KCNMB2: variants seen among roughly 807,000 people sequenced by gnomAD.
KCNMB2 encodes the protein potassium calcium-activated channel subfamily M regulatory beta subunit 2.
In KCNMB2, 9 loss-of-function variants were observed where a neutral mutation model predicts 24.5. The observed-to-expected ratio is 0.37, with a 90% CI of 0.22 to 0.64. KCNMB2 has a LOEUF of 0.64. KCNMB2 is among the 30% of genes least tolerant of loss of function. The pLI is 0.63. For synonymous variants in KCNMB2, 109 were observed against 104.4 expected, an observed-to-expected ratio of 1.04 and a Z score of -0.27; for missense variants, 226 against 284.3, an observed-to-expected ratio of 0.79 and a Z score of 1.47.
intron 2 of KCNMB2, among the ~76,000 whole-genome samples, chr3:178,821,440 A>T (rs61510530): frequency 0.026 from 3,907 of 152,244 alleles, 154 homozygotes; most frequent in African/African-American, 0.089. Flanking sequence ...TGGACATGCA[A>T]AAAACCAAAG....
At chr3:178,827,691 G>T (rs1714886921) in intron 3 of KCNMB2, among the ~76,000 whole-genome samples, 2 of 152,100 alleles carry the variant, frequency 1.3e-5, no homozygotes, top group African/African-American at 2.4e-5. Context: ...TGGACCACAT[G>T]ACCCTCCACT....
chr3:178,644,423 G>C (rs1719840200), intron 1 of KCNMB2, among the ~76,000 whole-genome samples: 1 of 152,204 alleles, frequency 6.6e-6, no homozygotes, highest in Non-Finnish European at 1.5e-5. Flanking sequence ...CATGTGATAA[G>C]TATCATAGCC....
intron 1 of KCNMB2, among the ~76,000 whole-genome samples, chr3:178,572,660 A>G (rs935271675): frequency 6.6e-6 from 1 of 152,210 alleles, no homozygotes; most frequent in Non-Finnish European, 1.5e-5. Context: ...TAAAACAGCA[A>G]GATAAAACAA....
intron 1 of KCNMB2, among the ~76,000 whole-genome samples, chr3:178,599,917 G>C (rs545325534): frequency 6.6e-6 from 1 of 152,266 alleles, no homozygotes; most frequent in South Asian, 2.1e-4. Context: ...CTTTCACCCA[G>C]CCCAGGCTGG....
chr3:178,548,964 C>T (rs1397154243), intron 1 of KCNMB2, among the ~76,000 whole-genome samples: 1 of 152,084 alleles, frequency 6.6e-6, no homozygotes, highest in African/African-American at 2.4e-5. Flanking sequence ...GATTATGTCA[C>T]TTACTTTATA....
chr3:178,698,495 A>T (rs961910153), intron 1 of KCNMB2, among the ~76,000 whole-genome samples: 2 of 152,024 alleles, frequency 1.3e-5, no homozygotes, highest in Non-Finnish European at 2.9e-5. Context: ...TTTACTGGTT[A>T]TTTGTCTGCC....
intron 1 of KCNMB2, among the ~76,000 whole-genome samples, chr3:178,789,180 A>T (rs928437206): frequency 6.6e-6 from 1 of 152,200 alleles, no homozygotes; most frequent in African/African-American, 2.4e-5. Flanking sequence ...ACATTATTTA[A>T]CCTGAGCTGC....
At chr3:178,746,130 C>T (rs1293821424) in intron 1 of KCNMB2, among the ~76,000 whole-genome samples, 3 of 152,182 alleles carry the variant, frequency 2.0e-5, no homozygotes, top group African/African-American at 4.8e-5. Flanking sequence ...AGCAGAGGTT[C>T]TCCATGAAAG....
At chr3:178,735,483 C>G (rs538510056) in intron 1 of KCNMB2, among the ~76,000 whole-genome samples, 1 of 152,350 alleles carries the variant, frequency 6.6e-6, no homozygotes, top group Non-Finnish European at 1.5e-5. Flanking sequence ...TCTGAAGAGT[C>G]CTGGCTAAGG....
intron 1 of KCNMB2, among the ~76,000 whole-genome samples, chr3:178,583,999 A>G (rs1055850462): frequency 8.5e-5 from 13 of 152,216 alleles, no homozygotes; most frequent in African/African-American, 2.9e-4. Context: ...GAAATCATTT[A>G]TTTAACCAGA....
chr3:178,652,380 T>C (rs1018552848), intron 1 of KCNMB2, among the ~76,000 whole-genome samples: 3 of 151,982 alleles, frequency 2.0e-5, no homozygotes, highest in Admixed American at 6.6e-5. Context: ...GACAGGTTGA[T>C]GGGTGCAGCA....
chr3:178,580,275 A>T (rs1717150654), intron 1 of KCNMB2, among the ~76,000 whole-genome samples: 1 of 152,240 alleles, frequency 6.6e-6, no homozygotes, highest in Admixed American at 6.5e-5. Context: ...CAGAAACCAC[A>T]TGATTATCTC....
rs1385750789 is a variant in KCNMB2 at position 178,657,508 on chromosome 3, AGACCCTTTCAAAATGAGGTGAT to A, written c.-68+120799_-68+120820del. Among the ~76,000 whole-genome samples, 3 of 152,212 alleles carry A rather than the reference AGACCCTTTCAAAATGAGGTGAT, an allele frequency of 2.0e-5. No homozygotes were observed. The East Asian group carries it at 5.8e-4, about 29-fold the overall frequency. On this transcript the variant is annotated intron_variant, in intron 1 of 4. Transcript: ENST00000452583. ...AGGATAGTTACACCTACCTCAAACG[AGACCCTTTCAAAATGAGGTGAT>A]GTTACATAGCAAGCTTACCATCAAT...
intron 1 of KCNMB2, among the ~76,000 whole-genome samples, chr3:178,608,858 G>A (rs777887511): frequency 3.9e-5 from 6 of 152,224 alleles, no homozygotes; most frequent in East Asian, 1.9e-4. Flanking sequence ...CATTGTGTAC[G>A]TATACCACAT....
intron 1 of KCNMB2, among the ~76,000 whole-genome samples, chr3:178,786,337 T>G (rs1004251921): frequency 6.6e-6 from 1 of 152,168 alleles, no homozygotes; most frequent in African/African-American, 2.4e-5. Context: ...GCCATGACAC[T>G]TAAAATTTCC....
intron 1 of KCNMB2, among the ~76,000 whole-genome samples, chr3:178,553,938 A>G (rs914688023): frequency 6.6e-6 from 1 of 152,194 alleles, no homozygotes; most frequent in African/African-American, 2.4e-5. Context: ...AAATAATTAG[A>G]CAAAACCATT....
chr3:178,614,293 A>ATATATATATG (rs1560131728), intron 1 of KCNMB2, among the ~76,000 whole-genome samples: 36 of 85,918 alleles, frequency 4.2e-4, no homozygotes, highest in Non-Finnish European at 4.2e-4. Flanking sequence ...ATATATATAT[A>ATATATATATG]TATGTATGTA....
intron 1 of KCNMB2, among the ~76,000 whole-genome samples, chr3:178,670,145 A>C (rs1720852072): frequency 6.6e-6 from 1 of 152,184 alleles, no homozygotes; most frequent in Non-Finnish European, 1.5e-5. Context: ...CTGCCAATAA[A>C]TACTAATTTG....
chr3:178,684,929 C>T (rs1184310467), intron 1 of KCNMB2, among the ~76,000 whole-genome samples: 5 of 152,198 alleles, frequency 3.3e-5, no homozygotes, highest in African/African-American at 1.2e-4. Context: ...CTTAAACATA[C>T]ACAGTAAAAT....
Sources: allele counts gnomAD v4.1 joint callset (sites outside exome capture counted in the v4.1 genomes callset), GRCh38; gene constraint gnomAD v4.1.1; transcripts MANE v1.5; gene names NCBI Gene and HGNC (gene_info 2026-07-23, HGNC 2026-07-21).